TSPAN18: variants seen among roughly 807,000 people sequenced by gnomAD.
TSPAN18 encodes tetraspanin-18.
In TSPAN18, 14 loss-of-function variants were observed where a neutral mutation model predicts 27.3. The observed-to-expected ratio is 0.51, with a 90% CI of 0.34 to 0.80. TSPAN18 has a LOEUF of 0.80. Ranked by LOEUF, TSPAN18 falls within the 30% of genes least tolerant of loss-of-function variation. The pLI is 0.01. For synonymous variants in TSPAN18, 143 were observed against 136.5 expected (o/e 1.05, Z -0.33); for missense variants, 268 against 323.9 (o/e 0.83, Z 1.32).
At chr11:44,889,546 C>A (rs773726617) in intron 3 of TSPAN18, among the ~76,000 whole-genome samples, 8 of 152,228 alleles carry the variant, frequency 5.3e-5, no homozygotes, top group Non-Finnish European at 1.2e-4. Flanking sequence ...CATCAACCAT[C>A]CAGTTTGGGC....
At chr11:44,884,954 A>G (rs1565190993) in intron 3 of TSPAN18, among the ~76,000 whole-genome samples, 1 of 152,208 alleles carries the variant, frequency 6.6e-6, no homozygotes, top group Admixed American at 6.5e-5. Context: ...TCCACAAACT[A>G]TAACCTGTGG....
At chr11:44,844,485 C>G (rs553179679) in intron 2 of TSPAN18, among the ~76,000 whole-genome samples, 1 of 152,268 alleles carries the variant, frequency 6.6e-6, no homozygotes, top group African/African-American at 2.4e-5. Flanking sequence ...GTTGCCCTAC[C>G]TCCTCATCCA....
intron 2 of TSPAN18, among the ~76,000 whole-genome samples, chr11:44,826,902 C>T (rs965368878): frequency 1.3e-5 from 2 of 152,152 alleles, no homozygotes; most frequent in Admixed American, 1.3e-4. Context: ...TTTTTGCCCT[C>T]CCTGACCTGT....
intron 1 of TSPAN18, among the ~76,000 whole-genome samples, chr11:44,753,008 C>T (rs1022213944): frequency 6.6e-6 from 1 of 152,184 alleles, no homozygotes; most frequent in African/African-American, 2.4e-5. Context: ...ATGACACAGA[C>T]CTCTCTTTGC....
At chr11:44,912,125 G>C (rs539983212) in intron 5 of TSPAN18, among the ~76,000 whole-genome samples, 1 of 151,544 alleles carries the variant, frequency 6.6e-6, no homozygotes, top group South Asian at 2.1e-4. Flanking sequence ...AGCCTCAAGT[G>C]ATCCTCCCAC....
At chr11:44,763,491 A>C (rs1218297301) in intron 1 of TSPAN18, among the ~76,000 whole-genome samples, 1 of 152,182 alleles carries the variant, frequency 6.6e-6, no homozygotes, top group East Asian at 1.9e-4. Flanking sequence ...TTACCACCGG[A>C]GACTTTCCTT....
intron 2 of TSPAN18, among the ~76,000 whole-genome samples, chr11:44,833,409 A>T (rs141241166): frequency 1.9e-3 from 286 of 151,758 alleles, no homozygotes; most frequent in Non-Finnish European, 3.4e-3. Context: ...ATTTGACTCT[A>T]GTTGCCTTGT....
intron 3 of TSPAN18, among the ~76,000 whole-genome samples, chr11:44,880,597 G>T (rs1360825406): frequency 1.3e-5 from 2 of 152,252 alleles, no homozygotes; most frequent in Non-Finnish European, 2.9e-5. Context: ...CAGCTCAGCT[G>T]AGAAGTAGGC....
At position 44,847,922 on chromosome 11, in the gene TSPAN18, C is replaced by T. The variant is rs184986133; in HGVS notation, c.-152-12406C>T. Among the ~76,000 whole-genome samples the T allele has an allele frequency of 2.0e-5, 3 of 152,184 alleles. No homozygotes were observed. The East Asian group carries it at 5.8e-4, about 29-fold the overall frequency. On this transcript the variant is annotated intron_variant, in intron 2 of 9. Transcript: ENST00000520358. ...GATCTCAGCTCACTGCAACCTCTGC[C>T]TCCTGGGTTCAAGCAATTTTCCTGC...
At chr11:44,883,431 C>T (rs11038185) in intron 3 of TSPAN18, among the ~76,000 whole-genome samples, 4,518 of 152,320 alleles carry the variant, frequency 0.03, 228 homozygotes, top group African/African-American at 0.1. Context: ...TGAGTCATAA[C>T]AGCGCGTGCT....
chr11:44,899,179 C>G (rs950413592), intron 3 of TSPAN18, among the ~76,000 whole-genome samples: 3 of 152,218 alleles, frequency 2.0e-5, no homozygotes, highest in Admixed American at 1.3e-4. Context: ...CTGATGCTGA[C>G]TCCTGCATTT....
chr11:44,851,821 T>C (rs1179567422), intron 2 of TSPAN18, among the ~76,000 whole-genome samples: 1 of 152,156 alleles, frequency 6.6e-6, no homozygotes, highest in Non-Finnish European at 1.5e-5. Context: ...AGGTGCTACT[T>C]TCTCCATCTT....
intron 2 of TSPAN18, among the ~76,000 whole-genome samples, chr11:44,793,087 G>C (rs1305368817): frequency 6.6e-6 from 1 of 152,172 alleles, no homozygotes; most frequent in Non-Finnish European, 1.5e-5. Context: ...AGCCCTGCGG[G>C]GTCTAGGGTG....
chr11:44,857,513 C>T (rs764834947), intron 2 of TSPAN18, among the ~76,000 whole-genome samples: 2 of 152,258 alleles, frequency 1.3e-5, no homozygotes, highest in South Asian at 4.1e-4. Context: ...AGGATGTATT[C>T]CCCTGGTTGG....
At chr11:44,731,492 A>G (rs1854652517) in intron 1 of TSPAN18, among the ~76,000 whole-genome samples, 1 of 152,126 alleles carries the variant, frequency 6.6e-6, no homozygotes, top group African/African-American at 2.4e-5. Context: ...GTAAGTGCTC[A>G]ATAAGTGTTC....
At chr11:44,928,610 AC>A (rs1860455123) in intron 9 of TSPAN18, among the ~76,000 whole-genome samples, 1 of 152,158 alleles carries the variant, frequency 6.6e-6, no homozygotes, top group African/African-American at 2.4e-5. Context: ...ACATGGTGAA[AC>A]CCTGTCTCTA....
chr11:44,927,220 C>T (rs1487925030), intron 9 of TSPAN18, among the ~76,000 whole-genome samples: 1 of 152,232 alleles, frequency 6.6e-6, no homozygotes, highest in Non-Finnish European at 1.5e-5. Context: ...CTGAGGGCCC[C>T]AGAGTCCCCT....
At chr11:44,735,856 A>G (rs886535862) in intron 1 of TSPAN18, among the ~76,000 whole-genome samples, 1 of 152,022 alleles carries the variant, frequency 6.6e-6, no homozygotes, top group Admixed American at 6.6e-5. Flanking sequence ...TGACCTCATG[A>G]TCTGCCCGCC....
At chr11:44,784,903 T>G (rs1422347094) in intron 2 of TSPAN18, among the ~76,000 whole-genome samples, 3 of 152,220 alleles carry the variant, frequency 2.0e-5, no homozygotes, top group African/African-American at 7.2e-5. Flanking sequence ...ATTTCTACCC[T>G]AAGGCGACTG....
Sources: allele counts gnomAD v4.1 joint callset (sites outside exome capture counted in the v4.1 genomes callset), GRCh38; gene constraint gnomAD v4.1.1; transcripts MANE v1.5; gene names NCBI Gene and HGNC (gene_info 2026-07-23, HGNC 2026-07-21).